The following ABR variants were observed in gnomAD, a reference collection of about 807,000 sequenced individuals.
The protein encoded by ABR is active breakpoint cluster region-related protein.
ABR carries 35 observed loss-of-function variants against 107.2 expected under a neutral mutation model. The ratio of observed to expected loss-of-function variants is 0.33; its 90% CI spans 0.25 to 0.43. The LOEUF (loss-of-function observed/expected upper bound fraction) is 0.43, where lower values mean the gene tolerates loss of function less well. Among genes scored for constraint, ABR ranks in the 20% least tolerant of loss-of-function variants. The probability of loss-of-function intolerance (pLI) is 1.00; values close to 1 mark genes in which losing one functional copy is unlikely to be tolerated. For missense variants in ABR, 815 were observed against 1,115.2 expected (o/e 0.73, Z 3.83); for synonymous variants, 498 against 462.0 (o/e 1.08, Z -1.00).
Position 1,148,598 on chromosome 17 carries a change from C to T in ABR, c.62-23231G>A, listed in dbSNP as rs562538376. 3.9e-5 allele frequency among the ~76,000 whole-genome samples: 6 copies of T among 152,204 alleles called. No individual in the cohort carries two copies. Among genetic ancestry groups the T allele is most frequent in the Admixed American group, 2.6e-4 (4 of 15,276 alleles). ...ACCCCACTTCCCATCCGAGCAGCAG[C>T]GGCATTAGGTTCTCGTAGGAGCGTG... On this transcript the variant is annotated intron_variant, in intron 1 of 22. Transcript: ENST00000302538. This position sits in a 1 kb window ranked among gnomAD's most constrained non-coding sequence, Gnocchi z 4.9.
chr17:1,208,051 C>A (rs546830835), intron 1 of ABR, among the ~76,000 whole-genome samples: 29 of 152,140 alleles, frequency 1.9e-4, no homozygotes, highest in African/African-American at 6.7e-4. Flanking sequence ...GATTACAGGC[C>A]GGAGCCACCG....
At chr17:1,089,539 G>A (rs1173510746) in intron 4 of ABR, among the ~76,000 whole-genome samples, 2 of 152,198 alleles carry the variant, frequency 1.3e-5, no homozygotes, top group Non-Finnish European at 2.9e-5. Context: ...TCTCAGGACA[G>A]AAATCTCAGG....
At position 1,112,986 on chromosome 17, in the gene ABR, C is replaced by T. The variant is rs182200143; in HGVS notation, c.246+12197G>A. 2.5e-4 allele frequency among the ~76,000 whole-genome samples: 16 copies of T among 64,080 alleles called. No individual in the cohort carries two copies. The East Asian group carries it at 5.4e-3, about 21-fold the overall frequency. 42.0% of individuals were successfully genotyped at this position (64,080 alleles called of 152,430 possible). A position where few individuals can be genotyped will look rare whatever the true frequency, so the allele number is the denominator to read the frequency against. ...GACCCAATCAGCAAGCATTTGTTAACGCCTGACCCAATCAGCAAGCAGTTG... is the reference window on the plus strand; with the variant it reads ...GACCCAATCAGCAAGCATTTGTTAATGCCTGACCCAATCAGCAAGCAGTTG... On this transcript the variant is annotated intron_variant, in intron 2 of 22. Transcript: ENST00000302538.
intron 1 of ABR, among the ~76,000 whole-genome samples, chr17:1,222,806 G>A (rs1389916813): frequency 6.6e-6 from 1 of 152,134 alleles, no homozygotes; most frequent in Non-Finnish European, 1.5e-5. Flanking sequence ...CTACATGGGA[G>A]GCTGAGGTGG....
rs1007700855 is a variant in ABR, at chr17:1,150,575, C to T, written c.62-25208G>A. Among the ~76,000 whole-genome samples, 5 of 152,206 alleles carry T rather than the reference C, an allele frequency of 3.3e-5. No homozygotes were observed. The highest frequency in any genetic ancestry group is 1.2e-4 in the African/African-American group (5 of 41,454). ...CCCCGGGCATGGCAAGCGCACTGCC[C>T]CCTCTCACTCCTCCGGCGGCCGCCG... On this transcript the variant is annotated intron_variant, in intron 1 of 22. Coordinates refer to ENST00000302538, the MANE Select transcript of ABR (RefSeq NM_021962.5). The surrounding 1 kb of genome is among the most constrained non-coding windows in gnomAD (Gnocchi z 4.8).
chr17:1,117,769 T>A (rs376303270), intron 2 of ABR, among the ~76,000 whole-genome samples: 63 of 62,468 alleles, frequency 1.0e-3, no homozygotes, highest in East Asian at 7.0e-3. Context: ...CCCAGCGTTA[T>A]CCCTGAGCCT....
intron 16 of ABR, among the ~76,000 whole-genome samples, chr17:1,029,382 C>T (rs536884321): frequency 6.6e-6 from 1 of 152,238 alleles, no homozygotes; most frequent in Non-Finnish European, 1.5e-5. Flanking sequence ...AGAGGCCCTG[C>T]ACTATTTAAA....
chr17:1,199,777 TC>T (rs2042638324), intron 1 of ABR, among the ~76,000 whole-genome samples: 1 of 152,144 alleles, frequency 6.6e-6, no homozygotes, highest in Non-Finnish European at 1.5e-5. Flanking sequence ...ATAAGTTTAT[TC>T]AGTTTTTTTT....
chr17:1,189,711 C>T (rs1359037633), upstream of ABR, among the ~76,000 whole-genome samples: 3 of 152,076 alleles, frequency 2.0e-5, no homozygotes, highest in Admixed American at 1.3e-4. Flanking sequence ...ATCTTGTCTT[C>T]CAGGGAGCTT....
At position 1,054,528 on chromosome 17, in the gene ABR, G is replaced by A. The variant is rs1279360615; in HGVS notation, c.1561+1507C>T. 4.6e-4 allele frequency among the ~76,000 whole-genome samples: 6 copies of A among 13,174 alleles called. 1 individual carries two copies. Among genetic ancestry groups the A allele is most frequent in the Non-Finnish European group, 5.1e-4 (3 of 5,828 alleles). 8.6% of individuals were successfully genotyped at this position (13,174 alleles called of 152,430 possible). ...GGGGATACAAGGAACCTCAGGGGAT[G>A]GGGGCACAAAGAACCTGAGGGGACG... On this transcript the variant is annotated intron_variant, in intron 14 of 22. Coordinates refer to ENST00000302538, the MANE Select transcript of ABR (RefSeq NM_021962.5).
intron 3 of ABR, among the ~76,000 whole-genome samples, chr17:1,094,440 G>A (rs952567306): frequency 4.0e-5 from 6 of 149,854 alleles, no homozygotes; most frequent in African/African-American, 1.2e-4. Context: ...GTGCAATCTC[G>A]GCTCACTGCA....
intron 6 of ABR, among the ~76,000 whole-genome samples, chr17:1,076,075 T>C (rs1358910531): frequency 6.6e-6 from 1 of 152,194 alleles, no homozygotes; most frequent in East Asian, 1.9e-4. Flanking sequence ...GGTCTCACTA[T>C]GTTGCTGGTC....
intron 1 of ABR, 86 bp from the exon 2 acceptor site, chr17:1,125,453 C>A: frequency 2.0e-6 from 3 of 1,513,422 alleles, no homozygotes; most frequent in African/African-American, 1.4e-5. Flanking sequence ...GGCGGCGGCC[C>A]CCGGCAGCCA....
At chr17:1,173,378 C>G (rs543937543) in intron 1 of ABR, among the ~76,000 whole-genome samples, 12 of 145,400 alleles carry the variant, frequency 8.3e-5, no homozygotes, top group Non-Finnish European at 1.5e-4. Flanking sequence ...GCCCACCCCC[C>G]ACACATCACC....
At chr17:1,201,386 A>G (rs1567887267) in intron 1 of ABR, among the ~76,000 whole-genome samples, 1 of 152,136 alleles carries the variant, frequency 6.6e-6, no homozygotes, top group Non-Finnish European at 1.5e-5. Flanking sequence ...TCGTGAAAAG[A>G]AGACACCCCG....
chr17:1,127,785 C>T (rs530071221), intron 1 of ABR, among the ~76,000 whole-genome samples: 3 of 152,170 alleles, frequency 2.0e-5, no homozygotes, highest in Admixed American at 6.5e-5. Context: ...CCAAGATCAA[C>T]GGGGGGGAAG....
intron 2 of ABR, chr17:1,115,136 C>T (rs1454243239): frequency 6.6e-6 from 1 of 152,350 alleles, no homozygotes; most frequent in African/African-American, 2.4e-5. Flanking sequence ...GATTTCAGGA[C>T]AGGTGTGACA....
chr17:1,045,883 T>C (rs1325161713), intron 16 of ABR, among the ~76,000 whole-genome samples: 1 of 152,124 alleles, frequency 6.6e-6, no homozygotes, highest in Non-Finnish European at 1.5e-5. Context: ...TTCTTTTTTT[T>C]CCCCAGACAG....
chr17:1,028,308 A>G (rs1272942604), intron 16 of ABR, among the ~76,000 whole-genome samples: 1 of 149,462 alleles, frequency 6.7e-6, no homozygotes, highest in Non-Finnish European at 1.5e-5. Context: ...CATGTTGGCC[A>G]GGCTGGTCTC....
Sources: gnomAD v4.1 joint callset for allele counts (sites outside exome capture counted in the v4.1 genomes callset) on GRCh38, gnomAD v4.1.1 for gene constraint, Gnocchi (gnomAD v3.1) non-coding constraint, MANE v1.5 for transcripts, NCBI Gene and HGNC (gene_info 2026-07-23, HGNC 2026-07-21) for gene names.